The following ASTN1 variants were observed in gnomAD, a reference collection of about 807,000 sequenced individuals.
ASTN1 encodes the protein astrotactin 1.
A neutral mutation model predicts 140.7 loss-of-function variants in ASTN1; 41 were observed. The observed-to-expected ratio is 0.29, with a 90% confidence interval of 0.23 to 0.38. The LOEUF (loss-of-function observed/expected upper bound fraction) is 0.38, where lower values mean the gene tolerates loss of function less well. Among genes scored for constraint, ASTN1 ranks in the 10% least tolerant of loss-of-function variants. The probability of loss-of-function intolerance (pLI) is 1.00; values close to 1 mark genes in which losing one functional copy is unlikely to be tolerated. For missense variants in ASTN1, 1,479 were observed against 1,678.8 expected (o/e 0.88, Z 2.08); for synonymous variants, 640 against 652.2 (o/e 0.98, Z 0.29).
Position 176,863,459 on chromosome 1 carries a change from A to G in ASTN1, c.*825T>C. The G allele has an allele frequency of 5.1e-6, 5 of 985,762 alleles. No homozygotes were observed. Among genetic ancestry groups the G allele is most frequent in the Non-Finnish European group, 6.0e-6 (5 of 829,926 alleles). The allele number at this position is 985,762 out of a possible 1,614,324, so 61.1% of individuals were successfully genotyped here. A position where few individuals can be genotyped will look rare whatever the true frequency, so the allele number is the denominator to read the frequency against. ...AAAGGAAGCATGGTTTTTTTAAAAAACAATAAACTCCAAGTCTCCTCTTGA... is the reference window on the plus strand; with the variant it reads ...AAAGGAAGCATGGTTTTTTTAAAAAGCAATAAACTCCAAGTCTCCTCTTGA... On this transcript the variant is annotated 3_prime_UTR_variant, in exon 23 of 23. Coordinates refer to ENST00000361833, the MANE Select transcript of ASTN1 (RefSeq NM_004319.3).
chr1:177,112,535 T>A (rs781352109), intron 1 of ASTN1, among the ~76,000 whole-genome samples: 24 of 152,154 alleles, frequency 1.6e-4, no homozygotes, highest in Non-Finnish European at 2.5e-4. Context: ...GGTAATGAGG[T>A]CTGATGGGAG....
At chr1:177,080,490 G>A (rs897158786) in intron 1 of ASTN1, among the ~76,000 whole-genome samples, 5 of 152,152 alleles carry the variant, frequency 3.3e-5, no homozygotes, top group African/African-American at 7.2e-5. Context: ...ACTTATTTGT[G>A]AAGTAACTCT....
At chr1:177,043,293 T>C (rs1677062312) in intron 2 of ASTN1, among the ~76,000 whole-genome samples, 1 of 152,098 alleles carries the variant, frequency 6.6e-6, no homozygotes, top group Non-Finnish European at 1.5e-5. Flanking sequence ...AACACACATA[T>C]AAACAGACTG....
chr1:177,139,907 G>A (rs1190262898), intron 1 of ASTN1, among the ~76,000 whole-genome samples: 1 of 152,028 alleles, frequency 6.6e-6, no homozygotes, highest in Non-Finnish European at 1.5e-5. Flanking sequence ...ATCAATCACT[G>A]TAAGAAATTT....
At chr1:177,122,602 C>G (rs1473805126) in intron 1 of ASTN1, among the ~76,000 whole-genome samples, 1 of 152,172 alleles carries the variant, frequency 6.6e-6, no homozygotes, top group Non-Finnish European at 1.5e-5. Context: ...GCTCACAAGA[C>G]TAGGGCGACA....
At chr1:177,113,478 C>G (rs781440374) in intron 1 of ASTN1, among the ~76,000 whole-genome samples, 5 of 152,206 alleles carry the variant, frequency 3.3e-5, no homozygotes, top group Non-Finnish European at 7.3e-5. Context: ...TCCCCTTGAC[C>G]TTGGATTTGT....
chr1:176,884,214 C>T (rs1447093514), intron 19 of ASTN1, 125 bp downstream of exon 19: 15 of 1,096,370 alleles, frequency 1.4e-5, no homozygotes, highest in Non-Finnish European at 1.9e-5. Flanking sequence ...CTTCTTCTCC[C>T]TGCTCCTCCT....
intron 2 of ASTN1, among the ~76,000 whole-genome samples, chr1:177,044,046 G>T (rs888272550): frequency 6.6e-6 from 1 of 151,996 alleles, no homozygotes; most frequent in Admixed American, 6.6e-5. Flanking sequence ...ATTAGGACGG[G>T]CTTCGTTAAG....
At chr1:176,872,576 C>A (rs1037524600) in intron 21 of ASTN1, among the ~76,000 whole-genome samples, 1 of 152,192 alleles carries the variant, frequency 6.6e-6, no homozygotes, top group Non-Finnish European at 1.5e-5. Flanking sequence ...GGCCACTTCA[C>A]AGTCCATCAT....
At chr1:177,130,579 AT>A (rs1681895793) in intron 1 of ASTN1, among the ~76,000 whole-genome samples, 1 of 152,006 alleles carries the variant, frequency 6.6e-6, no homozygotes. Context: ...GTGCGCTGTC[AT>A]TTTCATTGAA....
Position 176,884,448 on chromosome 1 carries a change from C to A in ASTN1, c.3117G>T (p.Val1039=), listed in dbSNP as rs1167845778. 1 of 1,613,998 alleles carries A rather than the reference C, an allele frequency of 6.2e-7. No individual in the cohort carries two copies. Among genetic ancestry groups the A allele is most frequent in the Non-Finnish European group, 8.5e-7 (1 of 1,179,924 alleles). Residue 1039 remains valine (V), a synonymous_variant, in exon 19 of 23, where the codon GTG becomes GTT. Transcript: ENST00000361833. ...GCTCTGAGTGTTCCCACTCCAGGAC[C>A]ACAAGAGTGCTGCTGGGCTCGTGAA... is the stretch of plus-strand genomic sequence containing the variant. ...STVHEPSSTL[V]VLEWEHSEPP...
chr1:176,935,032 A>G (rs1284874919), intron 15 of ASTN1, among the ~76,000 whole-genome samples: 1 of 152,184 alleles, frequency 6.6e-6, no homozygotes, highest in Non-Finnish European at 1.5e-5. Context: ...CTCTCCCCCA[A>G]CCCTGCAGGC....
At chr1:176,914,500 T>C (rs989749500) in intron 16 of ASTN1, among the ~76,000 whole-genome samples, 1 of 152,144 alleles carries the variant, frequency 6.6e-6, no homozygotes, top group African/African-American at 2.4e-5. Flanking sequence ...TTTAACTGGA[T>C]AAAGAATAAG....
chr1:176,987,580 C>T (rs1345512324), intron 8 of ASTN1, among the ~76,000 whole-genome samples: 2 of 152,228 alleles, frequency 1.3e-5, no homozygotes, highest in Non-Finnish European at 2.9e-5. Context: ...TCTGCCTCTC[C>T]TGTCAGGATC....
chr1:177,038,151 G>A (rs1021128481), intron 2 of ASTN1, among the ~76,000 whole-genome samples: 11 of 152,156 alleles, frequency 7.2e-5, no homozygotes, highest in Non-Finnish European at 1.5e-4. Flanking sequence ...TTCATCCTGG[G>A]TCCTGGGTCA....
intron 1 of ASTN1, among the ~76,000 whole-genome samples, chr1:177,128,388 C>A (rs1681774116): frequency 6.6e-6 from 1 of 152,150 alleles, no homozygotes; most frequent in Admixed American, 6.5e-5. Flanking sequence ...AATCAAAATT[C>A]TAAAAGTCAA....
intron 2 of ASTN1, among the ~76,000 whole-genome samples, chr1:177,060,268 T>C (rs1264255428): frequency 2.0e-5 from 3 of 152,136 alleles, no homozygotes; most frequent in East Asian, 3.9e-4. Flanking sequence ...GGAATGTTAA[T>C]AGTAAAGGAT....
chr1:177,041,013 A>G (rs1334720810), intron 2 of ASTN1, among the ~76,000 whole-genome samples: 2 of 152,138 alleles, frequency 1.3e-5, no homozygotes, highest in Non-Finnish European at 2.9e-5. Context: ...TTTGTCTGTG[A>G]GCTGCTTAGA....
At chr1:177,082,415 T>A (rs1679224299) in intron 1 of ASTN1, among the ~76,000 whole-genome samples, 3 of 152,220 alleles carry the variant, frequency 2.0e-5, no homozygotes, top group Non-Finnish European at 4.4e-5. Context: ...TGGCTCCAGT[T>A]TTCACTCCCA....
Sources: gnomAD v4.1 joint callset for allele counts (sites outside exome capture counted in the v4.1 genomes callset) on GRCh38, gnomAD v4.1.1 for gene constraint, MANE v1.5 for transcripts, NCBI Gene and HGNC (gene_info 2026-07-23, HGNC 2026-07-21) for gene names.